Variants in SAFB2 observed in about 807,000 individuals in gnomAD.
SAFB2 encodes scaffold attachment factor B2.
Under a neutral mutation model 100.6 loss-of-function variants are expected in SAFB2, and 32 were observed. That is an observed-to-expected ratio of 0.32 (90% CI 0.24 to 0.43). The LOEUF is 0.43. Among genes scored for constraint, SAFB2 ranks in the 20% least tolerant of loss-of-function variants. SAFB2 has a pLI of 1.00. For missense variants in SAFB2, 1,185 were observed against 1,163.4 expected (o/e 1.02, Z -0.27); for synonymous variants, 500 against 439.4 (o/e 1.14, Z -1.72).
At chr19:5,599,034 A>G (rs1599243345) in intron 12 of SAFB2, 150 bp from the exon 13 acceptor site, 1 of 676,386 alleles carries the variant, frequency 1.5e-6, no homozygotes, top group South Asian at 1.7e-5. Context: ...ATTCTCATCT[A>G]TTGTGAGCAA....
chr19:5,604,390 T>C (rs1034363274), intron 11 of SAFB2, among the ~76,000 whole-genome samples, 193 bp downstream of exon 11: 2 of 152,030 alleles, frequency 1.3e-5, no homozygotes, highest in African/African-American at 2.4e-5. Context: ...AGTCCCTGTC[T>C]CCAAAAAATA....
At chr19:5,600,311 G>C in intron 11 of SAFB2, 51 bp from the exon 12 acceptor site, 3 of 1,598,700 alleles carry the variant, frequency 1.9e-6, no homozygotes, top group East Asian at 2.2e-5. Context: ...TCTGTAACAG[G>C]AACGGCTCAC....
intron 1 of SAFB2, 113 bp downstream of exon 1, chr19:5,622,417 G>T (rs1214317715): frequency 4.3e-6 from 5 of 1,157,806 alleles, no homozygotes; most frequent in African/African-American, 1.6e-5. Context: ...ACCGGGGTCG[G>T]CCAAGACGCG....
At position 5,587,777 on chromosome 19, in the gene SAFB2, A is replaced by G. The variant is rs1410366470; in HGVS notation, c.2639-10T>C. 1.3e-6 allele frequency: 2 copies of G among 1,552,888 alleles called. No homozygotes were observed. The highest frequency in any genetic ancestry group is 1.7e-6 in the Non-Finnish European group (2 of 1,148,122). On this transcript the variant is annotated splice_polypyrimidine_tract_variant and intron_variant, in intron 19 of 20. Transcript: ENST00000252542. The surrounding 1 kb of genome is among the most constrained non-coding windows in gnomAD (Gnocchi z 4.9). Reference sequence around the variant, plus strand: ...AGGCCCCTCTCGCCACCTAGAAGAGAAGAAGGGTCTGCAAACACTCCGTTC... The same window carrying G: ...AGGCCCCTCTCGCCACCTAGAAGAGGAGAAGGGTCTGCAAACACTCCGTTC...
Position 5,613,479 on chromosome 19 carries a change from A to G in SAFB2, c.592T>C (p.Phe198Leu), listed in dbSNP as rs762919983. 1 of 1,613,578 alleles carries G rather than the reference A, an allele frequency of 6.2e-7. No individual in the cohort carries two copies. The highest frequency in any genetic ancestry group is 8.5e-7 in the Non-Finnish European group (1 of 1,179,778). ...KNTLETSSLNFKVTPDIEESL... is the reference protein window; with the variant it reads ...KNTLETSSLNLKVTPDIEESL... ...TGGTAACTTACCGGAGTTACTTTGA[A>G]GTTCAACGATGAAGTTTCCAAAGTG... Residue 198 changes from phenylalanine (F) to leucine (L), a missense_variant, in exon 5 of 21, where the codon TTC (phenylalanine) becomes CTC (leucine). By Grantham distance (22) the Phe-to-Leu change is conservative. Transcript: ENST00000252542.
At chr19:5,612,437 A>G in intron 6 of SAFB2, 103 bp downstream of exon 6, 1 of 1,042,842 alleles carries the variant, frequency 9.6e-7, no homozygotes, top group Non-Finnish European at 1.5e-6. Flanking sequence ...GTCCACCATT[A>G]GAGCAATTTA....
At chr19:5,616,848 C>T (rs1481124386) in intron 2 of SAFB2, among the ~76,000 whole-genome samples, 1 of 151,796 alleles carries the variant, frequency 6.6e-6, no homozygotes, top group Non-Finnish European at 1.5e-5. Flanking sequence ...GATGGGGTTT[C>T]ACCATATTGG....
chr19:5,613,530 G>A lies in SAFB2; in HGVS notation c.544-3C>T. 3.1e-6 allele frequency: 5 copies of A among 1,613,386 alleles called. No individual in the cohort carries two copies. The highest frequency in any genetic ancestry group is 4.2e-6 in the Non-Finnish European group (5 of 1,179,680). On this transcript the variant is annotated splice_region_variant and splice_polypyrimidine_tract_variant and intron_variant, in intron 4 of 20. Coordinates refer to ENST00000252542, the MANE Select transcript of SAFB2 (RefSeq NM_014649.3). ...TTCTTAAATCCTTCCCCATCCACCT[G>A]AAAAACAAAATGGAAGATGACTTCG...
chr19:5,611,802 C>T (rs2052913069), intron 6 of SAFB2, 172 bp from the exon 7 acceptor site: 5 of 618,984 alleles, frequency 8.1e-6, no homozygotes, highest in South Asian at 3.5e-5. Context: ...CTACCTGCGC[C>T]GCGACCGCCT....
chr19:5,616,571 A>G, intron 2 of SAFB2, 85 bp from the exon 3 acceptor site: 1 of 1,118,194 alleles, frequency 8.9e-7, no homozygotes, highest in Non-Finnish European at 1.4e-6. Context: ...CAATCTTAGA[A>G]CAGAACACAT....
At chr19:5,602,777 C>T (rs151107571) in intron 11 of SAFB2, among the ~76,000 whole-genome samples, 56 of 152,298 alleles carry the variant, frequency 3.7e-4, no homozygotes, top group African/African-American at 1.2e-3. Flanking sequence ...TAATGAAACA[C>T]GCAAGATACC....
At chr19:5,621,722 G>A (rs780129922) in intron 1 of SAFB2, among the ~76,000 whole-genome samples, 11 of 152,332 alleles carry the variant, frequency 7.2e-5, no homozygotes, top group Non-Finnish European at 1.2e-4. Context: ...TTAGAACAGA[G>A]AGGCTGCACT....
chr19:5,601,072 A>G (rs1461839397), intron 11 of SAFB2, among the ~76,000 whole-genome samples: 2 of 152,218 alleles, frequency 1.3e-5, no homozygotes, highest in Non-Finnish European at 2.9e-5. Context: ...GCAGAGCTCC[A>G]GCCATGCCAG....
At chr19:5,618,036 G>C (rs2053068726) in intron 2 of SAFB2, among the ~76,000 whole-genome samples, 1 of 152,188 alleles carries the variant, frequency 6.6e-6, no homozygotes, top group East Asian at 1.9e-4. Flanking sequence ...CTGAATTACC[G>C]GTGAGAATGA....
In SAFB2 at chr19:5,594,040, C is replaced by CCGCTCCCGCTCCATG. The variant is rs748161277; in HGVS notation, c.2043_2057dup (p.Met682_Arg686dup). ...CCACGCGCATGCGCTCGCGCTCCAGCCGCTCCCGCTCCATGCGCTCCCGCT... is the reference window on the plus strand; with the variant it reads ...CCACGCGCATGCGCTCGCGCTCCAGCCGCTCCCGCTCCATGCGCTCCCGCTCCATGCGCTCCCGCT... On this transcript the variant is annotated inframe_insertion, in exon 15 of 21. Coordinates refer to ENST00000252542, the MANE Select transcript of SAFB2 (RefSeq NM_014649.3). 44 of 1,579,448 alleles carry CCGCTCCCGCTCCATG rather than the reference C, an allele frequency of 2.8e-5. No homozygotes were observed. Among genetic ancestry groups the CCGCTCCCGCTCCATG allele is most frequent in the East Asian group, 2.1e-4 (9 of 43,662 alleles).
chr19:5,616,215 C>T lies in SAFB2; in HGVS notation c.460G>A (p.Gly154Ser), dbSNP rs147855487. 3.1e-6 allele frequency: 5 copies of T among 1,614,168 alleles called. No individual in the cohort carries two copies. Among genetic ancestry groups the T allele is most frequent in the African/African-American group, 1.3e-5 (1 of 75,040 alleles). ...CTATCACAAAAGGAATCGAGAAGGC[C>T]GTCCGTGCCATCCTCCCCAAAATCT... ...APDFGEDGTD[G>S]LLDSFCDSKE... Residue 154 changes from glycine to serine, a missense_variant, in exon 4 of 21, where the codon GGC becomes AGC. Gly to Ser is a moderately conservative substitution (Grantham distance 56). Coordinates refer to ENST00000252542, the MANE Select transcript of SAFB2 (RefSeq NM_014649.3).
chr19:5,612,601 A>C, intron 5 of SAFB2, 34 bp from the exon 6 acceptor site: 1 of 1,577,202 alleles, frequency 6.3e-7, no homozygotes, highest in Non-Finnish European at 8.7e-7. Context: ...TCCACAAGTC[A>C]CTTTAAACAC....
At chr19:5,606,831 A>G (rs559351552) in intron 9 of SAFB2, among the ~76,000 whole-genome samples, 20 of 152,246 alleles carry the variant, frequency 1.3e-4, no homozygotes, top group Non-Finnish European at 2.5e-4. Flanking sequence ...GCAAACCTGC[A>G]CTACAGGAAA....
rs1568219583 is a variant in SAFB2, at chr19:5,604,894, C to G, written c.1339G>C (p.Ala447Pro). 6.2e-7 allele frequency: 1 copy of G among 1,613,798 alleles called. No homozygotes were observed. The highest frequency in any genetic ancestry group is 8.5e-7 in the Non-Finnish European group (1 of 1,179,970). ...KVVTNARSPG[A>P]RCYGFVTMST... ...ATGGTGACGAATCCATAGCATCGAG[C>G]CCCCGGGCTGCGGGCGTTCGTTACC... The change falls in exon 10 of 21, where the codon GCT (alanine) becomes CCT (proline). Residue 447 changes from alanine (A) to proline (P), a missense_variant. By Grantham distance (27) the Ala-to-Pro change is conservative. Around this residue, in one of 3 missense-constraint regions of SAFB2, gnomAD observed 94 missense variants for 135.1 expected, o/e 0.70. Transcript: ENST00000252542.
Sources: allele counts gnomAD v4.1 joint callset (sites outside exome capture counted in the v4.1 genomes callset), GRCh38; gene constraint gnomAD v4.1.1; regional missense constraint gnomAD v4.1.1; non-coding constraint Gnocchi (gnomAD v3.1); transcripts MANE v1.5; gene names NCBI Gene and HGNC (gene_info 2026-07-23, HGNC 2026-07-21).